Variants in LTA4H observed in about 807,000 individuals in gnomAD.
LTA4H encodes leukotriene A-4 hydrolase.
Under a neutral mutation model 89.8 loss-of-function variants are expected in LTA4H, and 59 were observed. The ratio of observed to expected loss-of-function variants is 0.66; its 90% confidence interval spans 0.53 to 0.82. LTA4H has a LOEUF of 0.82. LTA4H is among the 40% of genes least tolerant of loss of function. The pLI is 0.00. For missense variants in LTA4H, 617 were observed against 727.0 expected (o/e 0.85, Z 1.74); for synonymous variants, 227 against 253.1 (o/e 0.90, Z 0.98).
At chr12:96,014,599 G>A (rs1358683234) in intron 12 of LTA4H, among the ~76,000 whole-genome samples, 1 of 152,056 alleles carries the variant, frequency 6.6e-6, no homozygotes, top group Admixed American at 6.5e-5. Context: ...AATGTTTTCA[G>A]GGAATACACA....
At chr12:96,036,269 T>G, upstream of LTA4H, among the ~76,000 whole-genome samples, 1 of 152,178 alleles carries the variant, frequency 6.6e-6, no homozygotes, top group East Asian at 1.9e-4. Flanking sequence ...CTGGTCGCAA[T>G]GGGAGTACAG....
At chr12:96,042,171 T>G (rs934573527) in intron 1 of LTA4H, among the ~76,000 whole-genome samples, 1 of 151,750 alleles carries the variant, frequency 6.6e-6, no homozygotes, top group Non-Finnish European at 1.5e-5. Context: ...TTAGTTTGTT[T>G]GTTTGTTTGT....
At chr12:96,015,164 A>G in intron 11 of LTA4H, 165 bp from the exon 12 acceptor site, 1 of 551,248 alleles carries the variant, frequency 1.8e-6, no homozygotes, top group Non-Finnish European at 3.1e-6. Flanking sequence ...CTGGAAGTCT[A>G]TTAATAGAAT....
chr12:96,030,824 A>C (rs987930883), intron 1 of LTA4H, among the ~76,000 whole-genome samples: 5 of 152,006 alleles, frequency 3.3e-5, no homozygotes, highest in African/African-American at 1.2e-4. Flanking sequence ...CCTTACTCTA[A>C]ATTAGTAGAA....
intron 6 of LTA4H, among the ~76,000 whole-genome samples, chr12:96,019,876 A>C (rs1034547508): frequency 3.4e-4 from 51 of 149,528 alleles, no homozygotes; most frequent in Non-Finnish European, 6.5e-4. Context: ...CTGGGATTAC[A>C]GGCGTGAGCC....
chr12:96,024,120 G>T (rs1030790474), intron 4 of LTA4H, among the ~76,000 whole-genome samples: 3 of 151,860 alleles, frequency 2.0e-5, no homozygotes, highest in African/African-American at 7.3e-5. Flanking sequence ...TTTTAGTACA[G>T]ATGGGGTTTC....
chr12:96,037,472 G>A (rs1009112286), upstream of LTA4H, among the ~76,000 whole-genome samples: 2 of 152,192 alleles, frequency 1.3e-5, no homozygotes, highest in Admixed American at 6.5e-5. Flanking sequence ...GACCACCGAA[G>A]TAAGAAGTGA....
chr12:96,011,961 C>T (rs138465766), intron 14 of LTA4H: 3 of 152,228 alleles, frequency 2.0e-5, no homozygotes, highest in East Asian at 3.9e-4. Context: ...CTTTTTTAGA[C>T]GTTAAAAGGG....
intron 6 of LTA4H, among the ~76,000 whole-genome samples, chr12:96,020,199 C>T (rs75889755): frequency 0.021 from 3,220 of 152,236 alleles, 87 homozygotes; most frequent in Non-Finnish European, 0.024. Context: ...GCCACAGAGC[C>T]CAGCCTGTAA....
At chr12:96,026,462 G>A (rs145756400) in intron 3 of LTA4H, among the ~76,000 whole-genome samples, 136 of 152,212 alleles carry the variant, frequency 8.9e-4, no homozygotes, top group Non-Finnish European at 1.6e-3. Context: ...GCCAACTTTG[G>A]TTAATAGACA....
In LTA4H at chr12:96,004,641, A is replaced by C. The variant is rs1472542175; in HGVS notation, c.1531-721T>G. Among the ~76,000 whole-genome samples, 5 of 152,286 alleles carry C rather than the reference A, an allele frequency of 3.3e-5. No individual in the cohort carries two copies. In the East Asian group the frequency reaches 9.7e-4, roughly 29 times the overall value. On this transcript the variant is annotated intron_variant, in intron 16 of 18. Transcript: ENST00000228740. ...GTGAGAGGCAGAGGTGCCTCTAGGT[A>C]GATGATAACTCTCCCCTCCAACCAC... is the stretch of plus-strand genomic sequence containing the variant.
intron 2 of LTA4H, 61 bp from the exon 3 acceptor site, chr12:96,027,625 C>A: frequency 9.7e-7 from 1 of 1,035,466 alleles, no homozygotes; most frequent in South Asian, 1.4e-5. Flanking sequence ...AATTTAAACT[C>A]ATAATACATA....
chr12:96,022,560 T>C lies in LTA4H; in HGVS notation c.481-309A>G, dbSNP rs562225762. ...AAATTAGCAATATGGGAAACTGGCT[T>C]CTTTAAAAGTGAATGTGAAATTTCT... On this transcript the variant is annotated intron_variant, in intron 4 of 18. Transcript: ENST00000228740. This position sits in a 1 kb window ranked among gnomAD's most constrained non-coding sequence, Gnocchi z 4.0. Among the ~76,000 whole-genome samples the C allele has an allele frequency of 1.1e-4, 16 of 152,256 alleles. No homozygotes were observed. Among genetic ancestry groups the C allele is most frequent in the African/African-American group, 2.9e-4 (12 of 41,554 alleles).
upstream of LTA4H, chr12:96,035,741 C>T (rs564651765): frequency 1.1e-5 from 14 of 1,229,238 alleles, no homozygotes; most frequent in East Asian, 3.2e-4. Flanking sequence ...GCTTGGCTAC[C>T]TGGGAGCGTG....
exon 1 of LTA4H, chr12:96,043,438 C>T: frequency 1.0e-6 from 1 of 955,906 alleles, no homozygotes; most frequent in Non-Finnish European, 1.6e-6. Flanking sequence ...GCCCATGCAT[C>T]CTCTTGCCCT....
At chr12:96,029,018 A>T (rs1950542489) in intron 2 of LTA4H, 37 bp downstream of exon 2, 1 of 1,495,212 alleles carries the variant, frequency 6.7e-7, no homozygotes, top group African/African-American at 1.4e-5. Flanking sequence ...TTTCCCCATT[A>T]TTTAGCTGTA....
At chr12:96,035,691 A>T, upstream of LTA4H, 1 of 1,404,650 alleles carries the variant, frequency 7.1e-7, no homozygotes, top group Non-Finnish European at 9.3e-7. Flanking sequence ...GGGATGGGTG[A>T]AGGAACTACA....
chr12:96,043,110 A>G (rs1950700374), intron 1 of LTA4H, among the ~76,000 whole-genome samples: 1 of 152,180 alleles, frequency 6.6e-6, no homozygotes, highest in East Asian at 1.9e-4. Context: ...TTATTTCTCC[A>G]GAAACATGTT....
Position 96,000,799 on chromosome 12 carries a change from C to A in LTA4H, c.*190G>T. 3 of 437,730 alleles carry A rather than the reference C, an allele frequency of 6.9e-6. No individual in the cohort carries two copies. Among genetic ancestry groups the A allele is most frequent in the Non-Finnish European group, 8.2e-6 (2 of 243,472 alleles). 27.1% of individuals were successfully genotyped at this position (437,730 alleles called of 1,614,324 possible). ...TAATTTGTAAATCAAAAGATTAAACCTTGTTAAAATTTACAAAGAATATGC... is the reference window on the plus strand; with the variant it reads ...TAATTTGTAAATCAAAAGATTAAACATTGTTAAAATTTACAAAGAATATGC... On this transcript the variant is annotated 3_prime_UTR_variant, in exon 19 of 19. Coordinates refer to ENST00000228740, the MANE Select transcript of LTA4H (RefSeq NM_000895.3).
Sources: allele counts gnomAD v4.1 joint callset (sites outside exome capture counted in the v4.1 genomes callset), GRCh38; gene constraint gnomAD v4.1.1; non-coding constraint Gnocchi (gnomAD v3.1); transcripts MANE v1.5; gene names NCBI Gene and HGNC (gene_info 2026-07-23, HGNC 2026-07-21).